The following GRIK2 variants were observed in gnomAD, a reference collection of about 807,000 sequenced individuals.
GRIK2 encodes the protein glutamate ionotropic receptor kainate type subunit 2.
GRIK2 carries 32 observed loss-of-function variants against 100.3 expected under a neutral mutation model. The ratio of observed to expected loss-of-function variants is 0.32; its 90% CI spans 0.24 to 0.43. The LOEUF is 0.43. Ranked by LOEUF, GRIK2 falls within the 20% of genes least tolerant of loss-of-function variation. The pLI is 1.00. For missense variants in GRIK2, 843 were observed against 1,114.9 expected (o/e 0.76, Z 3.47); for synonymous variants, 417 against 389.4 (o/e 1.07, Z -0.83).
intron 7 of GRIK2, among the ~76,000 whole-genome samples, chr6:101,769,752 G>A (rs924213514): frequency 1.3e-5 from 2 of 152,036 alleles, no homozygotes; most frequent in East Asian, 1.9e-4. Context: ...TAAAAGAAAA[G>A]GTATTTATTT....
At chr6:101,414,863 G>A (rs74425748) in intron 2 of GRIK2, among the ~76,000 whole-genome samples, 2,167 of 152,104 alleles carry the variant, frequency 0.014, 50 homozygotes, top group African/African-American at 0.05. Flanking sequence ...GGATATGCAC[G>A]TTGAAAGACC....
intron 10 of GRIK2, among the ~76,000 whole-genome samples, chr6:101,820,601 T>C (rs1781896924): frequency 5.3e-5 from 8 of 151,938 alleles, no homozygotes; most frequent in Admixed American, 4.6e-4. Context: ...GCGCTACCAC[T>C]CCTAGCTAAT....
At position 102,068,616 on chromosome 6, in the gene GRIK2, T is replaced by A; in HGVS notation, c.*105T>A. 1.1e-6 allele frequency: 1 copy of A among 890,626 alleles called. No homozygotes were observed. The highest frequency in any genetic ancestry group is 1.7e-5 in the South Asian group (1 of 59,284). The allele number at this position is 890,626 out of a possible 1,614,324, so 55.2% of individuals were successfully genotyped here. A position where few individuals can be genotyped will look rare whatever the true frequency, so the allele number is the denominator to read the frequency against. ...GCAACCTGTGCAAAATAAAATGAGT[T>A]ACCTCATGCCGCTGTGTCTATGAAC... On this transcript the variant is annotated 3_prime_UTR_variant, in exon 17 of 17. Coordinates refer to ENST00000369134, the MANE Select transcript of GRIK2 (RefSeq NM_021956.5).
At chr6:101,828,962 A>G (rs1782505744) in intron 10 of GRIK2, among the ~76,000 whole-genome samples, 1 of 152,038 alleles carries the variant, frequency 6.6e-6, no homozygotes, top group Admixed American at 6.6e-5. Flanking sequence ...TACAACAAAG[A>G]AGAAAACTAT....
At chr6:101,884,809 T>A (rs1786501813) in intron 11 of GRIK2, among the ~76,000 whole-genome samples, 1 of 152,204 alleles carries the variant, frequency 6.6e-6, no homozygotes, top group Non-Finnish European at 1.5e-5. Flanking sequence ...AGCAAACATT[T>A]ACTAAGCAGT....
chr6:101,820,160 T>C (rs975245870), intron 10 of GRIK2, among the ~76,000 whole-genome samples: 1 of 152,190 alleles, frequency 6.6e-6, no homozygotes, highest in African/African-American at 2.4e-5. Context: ...TATTCATCAG[T>C]AATATATGAC....
At chr6:101,560,558 A>G (rs964555314) in intron 2 of GRIK2, among the ~76,000 whole-genome samples, 31 of 152,094 alleles carry the variant, frequency 2.0e-4, no homozygotes, top group African/African-American at 6.5e-4. Flanking sequence ...ATTGTAGATA[A>G]TTAGAAACTG....
chr6:101,551,214 G>A (rs1776493558), intron 2 of GRIK2, among the ~76,000 whole-genome samples: 1 of 152,156 alleles, frequency 6.6e-6, no homozygotes, highest in East Asian at 1.9e-4. Context: ...TGTGCAGCAA[G>A]ATTTCAGCTG....
chr6:101,578,808 T>G (rs1021090402), intron 2 of GRIK2, among the ~76,000 whole-genome samples: 2 of 152,182 alleles, frequency 1.3e-5, no homozygotes, highest in African/African-American at 4.8e-5. Flanking sequence ...ACATTCAAAT[T>G]CAGTGAACAT....
chr6:101,874,250 A>G (rs1287227137), intron 11 of GRIK2, among the ~76,000 whole-genome samples: 4 of 152,074 alleles, frequency 2.6e-5, no homozygotes, highest in Non-Finnish European at 4.4e-5. Context: ...TAAGTCTTTA[A>G]TCCATCGTGA....
chr6:101,743,055 G>A (rs1460361105), intron 7 of GRIK2, among the ~76,000 whole-genome samples: 3 of 152,126 alleles, frequency 2.0e-5, no homozygotes, highest in East Asian at 1.9e-4. Context: ...GGCTCTTTAC[G>A]GGAATCATGT....
chr6:101,965,455 A>G (rs1370614752), intron 14 of GRIK2, among the ~76,000 whole-genome samples: 4 of 152,148 alleles, frequency 2.6e-5, no homozygotes, highest in Non-Finnish European at 5.9e-5. Context: ...CTTCAGCTTT[A>G]TCTGTCATTG....
At chr6:101,495,851 GATTTT>G (rs1392347249) in intron 2 of GRIK2, among the ~76,000 whole-genome samples, 4 of 151,282 alleles carry the variant, frequency 2.6e-5, no homozygotes. Context: ...ATATTAAACT[GATTTT>G]ATTTTCTTTC....
At chr6:101,555,058 G>A (rs1776674498) in intron 2 of GRIK2, among the ~76,000 whole-genome samples, 1 of 152,112 alleles carries the variant, frequency 6.6e-6, no homozygotes, top group Non-Finnish European at 1.5e-5. Flanking sequence ...AGAGAAAAAC[G>A]TTAGTAAAGT....
intron 2 of GRIK2, among the ~76,000 whole-genome samples, chr6:101,503,012 T>C (rs1189658533): frequency 1.3e-5 from 2 of 151,864 alleles, no homozygotes; most frequent in African/African-American, 4.8e-5. Context: ...CAGATGGAGG[T>C]GGGGGTTATG....
chr6:102,052,582 T>C (rs572881362), intron 15 of GRIK2, among the ~76,000 whole-genome samples: 1 of 152,204 alleles, frequency 6.6e-6, no homozygotes, highest in East Asian at 1.9e-4. Context: ...ATGGAGAATA[T>C]AGTGTTTGAA....
intron 14 of GRIK2, among the ~76,000 whole-genome samples, chr6:101,970,547 A>G (rs1416614560): frequency 6.6e-6 from 1 of 151,892 alleles, no homozygotes; most frequent in Non-Finnish European, 1.5e-5. Context: ...TTTATAGGAC[A>G]GGGGTGGTAA....
intron 11 of GRIK2, among the ~76,000 whole-genome samples, chr6:101,870,984 C>T (rs1035391757): frequency 6.6e-6 from 1 of 151,800 alleles, no homozygotes; most frequent in Non-Finnish European, 1.5e-5. Flanking sequence ...AATAAACATA[C>T]ACAAAAATCA....
chr6:101,863,222 A>G (rs567917712), intron 11 of GRIK2, among the ~76,000 whole-genome samples: 2 of 152,338 alleles, frequency 1.3e-5, no homozygotes, highest in South Asian at 2.1e-4. Context: ...TCATTTAATC[A>G]GCAATGTTAT....
Sources: allele counts gnomAD v4.1 joint callset (sites outside exome capture counted in the v4.1 genomes callset), GRCh38; gene constraint gnomAD v4.1.1; transcripts MANE v1.5; gene names NCBI Gene and HGNC (gene_info 2026-07-23, HGNC 2026-07-21).